ADRA1B: variants seen among roughly 807,000 people sequenced by gnomAD.
ADRA1B encodes the protein alpha-1B adrenergic receptor.
In ADRA1B, 17 loss-of-function variants were observed where a neutral mutation model predicts 17.9. The ratio of observed to expected loss-of-function variants is 0.95; its 90% confidence interval spans 0.65 to 1.42. ADRA1B has a LOEUF of 1.42. Among genes scored for constraint, ADRA1B ranks in the 40% most tolerant of loss-of-function variants. The probability of loss-of-function intolerance (pLI) is 0.00; values close to 1 mark genes in which losing one functional copy is unlikely to be tolerated. For missense variants in ADRA1B, 681 were observed against 722.1 expected (o/e 0.94, Z 0.65); for synonymous variants, 366 against 327.6 (o/e 1.12, Z -1.27).
intron 1 of ADRA1B, among the ~76,000 whole-genome samples, chr5:159,866,031 A>T (rs1258054065): frequency 6.6e-6 from 1 of 152,182 alleles, no homozygotes; most frequent in African/African-American, 2.4e-5. Flanking sequence ...TCCTTAATTC[A>T]TTCCTAAAAC....
intron 1 of ADRA1B, among the ~76,000 whole-genome samples, chr5:159,966,462 G>A (rs1755777701): frequency 6.6e-6 from 1 of 152,176 alleles, no homozygotes; most frequent in Non-Finnish European, 1.5e-5. Context: ...CCAGAGCCAG[G>A]ATTCTATTCC....
In ADRA1B at chr5:159,917,618, A is replaced by G. The variant is rs756724973; in HGVS notation, c.713A>G (p.Glu238Gly). Residue 238 changes from glutamate to glycine, a missense_variant, in exon 1 of 2, where the codon GAG becomes GGG. Coordinates refer to ENST00000306675, the MANE Select transcript of ADRA1B (RefSeq NM_000679.4). ...GCCAAGAGAACCACCAAGAACCTAG[A>G]GGCAGGAGTCATGAAGGAGATGTCC... is the stretch of plus-strand genomic sequence containing the variant. ...IVAKRTTKNL[E>G]AGVMKEMSNS... The G allele has an allele frequency of 6.2e-7, 1 of 1,613,812 alleles. No homozygotes were observed. The highest frequency in any genetic ancestry group is 8.5e-7 in the Non-Finnish European group (1 of 1,180,000).
At chr5:159,913,575 T>C (rs1237520110), upstream of ADRA1B, among the ~76,000 whole-genome samples, 1 of 152,246 alleles carries the variant, frequency 6.6e-6, no homozygotes, top group African/African-American at 2.4e-5. Flanking sequence ...TCCTGACACC[T>C]GAATCAAGAC....
chr5:159,971,853 C>CGGGGGCGG, intron 1 of ADRA1B, 26 bp from the exon 2 acceptor site: 1 of 1,305,876 alleles, frequency 7.7e-7, no homozygotes, highest in Non-Finnish European at 9.8e-7. Flanking sequence ...TCTTTCTGCC[C>CGGGGGCGG]GTGCCCACCC....
intron 1 of ADRA1B, among the ~76,000 whole-genome samples, chr5:159,905,186 G>C (rs1001339489): frequency 1.3e-5 from 2 of 152,210 alleles, no homozygotes; most frequent in Non-Finnish European, 2.9e-5. Context: ...ATCTTGGGGA[G>C]GGGTTATAGT....
At chr5:159,912,710 A>G (rs940135640), upstream of ADRA1B, among the ~76,000 whole-genome samples, 10 of 152,266 alleles carry the variant, frequency 6.6e-5, no homozygotes, top group African/African-American at 2.4e-4. Flanking sequence ...GCCATGTCAC[A>G]GAACCTCTCT....
chr5:159,935,616 G>A (rs1038321000), intron 1 of ADRA1B, among the ~76,000 whole-genome samples: 2 of 151,976 alleles, frequency 1.3e-5, no homozygotes, highest in African/African-American at 4.8e-5. Flanking sequence ...GCGCAATCTC[G>A]GCTCACTGCA....
At chr5:159,886,268 CTGTT>C (rs1753921904) in intron 1 of ADRA1B, among the ~76,000 whole-genome samples, 2 of 152,192 alleles carry the variant, frequency 1.3e-5, no homozygotes, top group Non-Finnish European at 2.9e-5. Flanking sequence ...ATCACATTCT[CTGTT>C]TGTCTATGCT....
chr5:159,889,607 C>T (rs562400284), intron 1 of ADRA1B, among the ~76,000 whole-genome samples: 1 of 152,262 alleles, frequency 6.6e-6, no homozygotes, highest in African/African-American at 2.4e-5. Context: ...GCGAAGTAGC[C>T]ACGTACATCC....
chr5:159,962,170 C>T (rs528435859), intron 1 of ADRA1B, among the ~76,000 whole-genome samples: 1 of 152,154 alleles, frequency 6.6e-6, no homozygotes, highest in South Asian at 2.1e-4. Flanking sequence ...TGTGCTCCAG[C>T]CTGGGCAACA....
chr5:159,931,395 A>G (rs1300271270), intron 1 of ADRA1B, among the ~76,000 whole-genome samples: 2 of 145,518 alleles, frequency 1.4e-5, no homozygotes, highest in Non-Finnish European at 3.0e-5. Flanking sequence ...CCCTATCTCA[A>G]AAAAAAAAAA....
At chr5:159,930,656 A>G (rs1422151568) in intron 1 of ADRA1B, among the ~76,000 whole-genome samples, 1 of 152,186 alleles carries the variant, frequency 6.6e-6, no homozygotes, top group Non-Finnish European at 1.5e-5. Flanking sequence ...CATAATATCT[A>G]AGTAAAAAAG....
chr5:159,888,427 C>G (rs1490273222), intron 1 of ADRA1B: 8 of 152,062 alleles, frequency 5.3e-5, no homozygotes, highest in African/African-American at 1.9e-4. Flanking sequence ...TAGGCTCCTT[C>G]AAACATGAAA....
chr5:159,977,734 G>A (rs961184666), downstream of ADRA1B, among the ~76,000 whole-genome samples: 1 of 152,156 alleles, frequency 6.6e-6, no homozygotes, highest in Non-Finnish European at 1.5e-5. Flanking sequence ...CTGAAGTGTG[G>A]GTGTTGGGGT....
Position 159,917,829 on chromosome 5 carries a change from AC to A in ADRA1B, c.927del (p.Phe310SerfsTer14), listed in dbSNP as rs1402710746. 6.2e-7 allele frequency: 1 copy of A among 1,610,098 alleles called. No homozygotes were observed. Among genetic ancestry groups the A allele is most frequent in the South Asian group, 1.1e-5 (1 of 90,436 alleles). On this transcript the variant is annotated frameshift_variant, in exon 1 of 2. Coordinates refer to ENST00000306675, the MANE Select transcript of ADRA1B (RefSeq NM_000679.4). LOFTEE classifies it low-confidence loss of function (END_TRUNC). ...TCGGTATGTTCATCTTGTGCTGGCTACCCTTCTTCATCGCTCTACCGCTTGG... is the reference window on the plus strand; with the variant it reads ...TCGGTATGTTCATCTTGTGCTGGCTACCTTCTTCATCGCTCTACCGCTTGG... ...VVGMFILCWLPFFIALPLGSL... is the reference protein window; with the variant it reads ...VVGMFILCWLXFFIALPLGSL...
At chr5:159,912,086 C>G (rs1167110801), upstream of ADRA1B, among the ~76,000 whole-genome samples, 1 of 152,194 alleles carries the variant, frequency 6.6e-6, no homozygotes, top group Non-Finnish European at 1.5e-5. Flanking sequence ...CAACGCCTGG[C>G]ACCTAGTAAG....
At chr5:159,901,172 C>T (rs981893475) in intron 1 of ADRA1B, among the ~76,000 whole-genome samples, 38 of 151,630 alleles carry the variant, frequency 2.5e-4, no homozygotes, top group African/African-American at 9.0e-4. Flanking sequence ...TTCCAACAAG[C>T]TCCCAAAGAG....
chr5:159,964,465 G>C (rs1341451314), intron 1 of ADRA1B, among the ~76,000 whole-genome samples: 1 of 152,190 alleles, frequency 6.6e-6, no homozygotes, highest in Admixed American at 6.5e-5. Context: ...TTTTAAAATA[G>C]TGATAGAAAG....
At chr5:159,890,959 A>G (rs1461013028) in intron 1 of ADRA1B, among the ~76,000 whole-genome samples, 1 of 152,194 alleles carries the variant, frequency 6.6e-6, no homozygotes, top group African/African-American at 2.4e-5. Flanking sequence ...CAGGTTTAAA[A>G]GACTTCCTTG....
Sources: allele counts gnomAD v4.1 joint callset (sites outside exome capture counted in the v4.1 genomes callset), GRCh38; gene constraint gnomAD v4.1.1; transcripts MANE v1.5; gene names NCBI Gene and HGNC (gene_info 2026-07-23, HGNC 2026-07-21).